CCSER1: variants seen among roughly 807,000 people sequenced by gnomAD.
The protein encoded by CCSER1 is coiled-coil serine rich protein 1, also known as serine-rich coiled-coil domain-containing protein 1.
Under a neutral mutation model 82.0 loss-of-function variants are expected in CCSER1, and 41 were observed. The ratio of observed to expected loss-of-function variants is 0.50; its 90% confidence interval spans 0.39 to 0.65. The LOEUF is 0.65. Ranked by LOEUF, CCSER1 falls within the 30% of genes least tolerant of loss-of-function variation. CCSER1 has a pLI of 0.00. For synonymous variants in CCSER1, 414 were observed against 383.9 expected, an observed-to-expected ratio of 1.08 and a Z score of -0.92; for missense variants, 1,119 against 1,064.2, an observed-to-expected ratio of 1.05 and a Z score of -0.72.
intron 1 of CCSER1, among the ~76,000 whole-genome samples, chr4:90,190,220 A>C (rs77204561): frequency 2.9e-4 from 44 of 152,174 alleles, no homozygotes; most frequent in African/African-American, 1.1e-3. Context: ...AACTAGAGAA[A>C]GGAGTCCTCC....
chr4:91,498,055 G>A (rs868679434), intron 10 of CCSER1, among the ~76,000 whole-genome samples: 1 of 151,934 alleles, frequency 6.6e-6, no homozygotes, highest in African/African-American at 2.4e-5. Flanking sequence ...GCACAGCTTC[G>A]CTGTGCATCC....
intron 3 of CCSER1, among the ~76,000 whole-genome samples, chr4:90,362,444 A>G (rs532085090): frequency 7.2e-5 from 11 of 152,238 alleles, no homozygotes; most frequent in Non-Finnish European, 1.5e-4. Context: ...TGCTAGTCAA[A>G]TGGTTTAGAA....
Position 90,287,211 on chromosome 4 carries a change from A to AC in CCSER1, c.-41-21030dup, listed in dbSNP as rs1730061946. Among the ~76,000 whole-genome samples, 3 of 151,632 alleles carry AC rather than the reference A, an allele frequency of 2.0e-5. No individual in the cohort carries two copies. In the South Asian group the frequency reaches 6.2e-4, roughly 32 times the overall value. On this transcript the variant is annotated intron_variant, in intron 1 of 10. Coordinates refer to ENST00000509176, the MANE Select transcript of CCSER1 (RefSeq NM_001145065.2). ...TTCTTACATTAATAATTAAAAAAAA[A>AC]CCCTACAAAATAGGGTCAGCCAAAA...
intron 1 of CCSER1, among the ~76,000 whole-genome samples, chr4:90,181,356 G>A (rs141117692): frequency 1.8e-4 from 27 of 152,246 alleles, no homozygotes; most frequent in African/African-American, 5.8e-4. Flanking sequence ...ATATACAAAA[G>A]TTAATGCAAA....
chr4:91,442,878 A>C (rs1460374161), intron 10 of CCSER1, among the ~76,000 whole-genome samples: 3 of 152,218 alleles, frequency 2.0e-5, no homozygotes, highest in Non-Finnish European at 2.9e-5. Flanking sequence ...AAAACTGCTC[A>C]CCATCACTGG....
intron 10 of CCSER1, among the ~76,000 whole-genome samples, chr4:91,217,369 T>C (rs920867503): frequency 2.0e-4 from 31 of 152,042 alleles, no homozygotes; most frequent in African/African-American, 6.8e-4. Context: ...CTGAGCTAGA[T>C]ACAAAGGTTC....
intron 6 of CCSER1, among the ~76,000 whole-genome samples, chr4:90,639,299 T>C (rs185553215): frequency 1.1e-3 from 173 of 151,888 alleles, no homozygotes; most frequent in African/African-American, 3.6e-3. Flanking sequence ...AAATTATCAA[T>C]AATTTTTAAT....
chr4:91,189,146 G>A (rs1734805415), intron 10 of CCSER1, among the ~76,000 whole-genome samples: 1 of 151,942 alleles, frequency 6.6e-6, no homozygotes, highest in African/African-American at 2.4e-5. Flanking sequence ...AAACATTTTG[G>A]TAATTTGCAG....
intron 1 of CCSER1, among the ~76,000 whole-genome samples, chr4:90,224,082 T>C (rs1057035361): frequency 6.6e-6 from 1 of 152,170 alleles, no homozygotes; most frequent in Non-Finnish European, 1.5e-5. Context: ...TCTTCATGTG[T>C]TAGTAAGAGA....
chr4:91,336,078 A>G (rs984714842), intron 10 of CCSER1, among the ~76,000 whole-genome samples: 1 of 152,258 alleles, frequency 6.6e-6, no homozygotes, highest in African/African-American at 2.4e-5. Context: ...AGGAGGGTAT[A>G]TGTACATAGT....
intron 9 of CCSER1, among the ~76,000 whole-genome samples, chr4:91,033,603 C>A (rs1741173614): frequency 6.6e-6 from 1 of 152,100 alleles, no homozygotes; most frequent in Non-Finnish European, 1.5e-5. Flanking sequence ...GCCCTGCTCC[C>A]AGTTTTCTAC....
At chr4:91,549,201 G>T (rs2090384) in intron 10 of CCSER1, among the ~76,000 whole-genome samples, 149,311 of 152,234 alleles carry the variant, frequency 0.98, 73,231 homozygotes, top group East Asian at 1. Context: ...GTCTCTAGTA[G>T]TTCTTTTTTA....
At chr4:91,395,263 TCAATGG>T (rs1751902739) in intron 10 of CCSER1, among the ~76,000 whole-genome samples, 1 of 152,050 alleles carries the variant, frequency 6.6e-6, no homozygotes, top group African/African-American at 2.4e-5. Flanking sequence ...CTCTATAGAT[TCAATGG>T]CAAACATGCT....
At chr4:90,238,141 A>T (rs965196466) in intron 1 of CCSER1, among the ~76,000 whole-genome samples, 2 of 152,208 alleles carry the variant, frequency 1.3e-5, no homozygotes, top group Non-Finnish European at 2.9e-5. Flanking sequence ...GTTTGTAAAA[A>T]AATGATTACT....
At chr4:90,821,406 G>T (rs1437708616) in intron 8 of CCSER1, among the ~76,000 whole-genome samples, 1 of 152,106 alleles carries the variant, frequency 6.6e-6, no homozygotes, top group African/African-American at 2.4e-5. Flanking sequence ...GCATGGAAAA[G>T]AACCAACGTT....
At chr4:90,889,317 T>C (rs1485444028) in intron 8 of CCSER1, among the ~76,000 whole-genome samples, 4 of 152,130 alleles carry the variant, frequency 2.6e-5, no homozygotes, top group Admixed American at 2.0e-4. Context: ...ATTTATGTAA[T>C]GGTAACAACA....
chr4:91,116,001 C>A (rs1321763458), intron 10 of CCSER1, among the ~76,000 whole-genome samples: 2 of 151,658 alleles, frequency 1.3e-5, no homozygotes, highest in Admixed American at 6.6e-5. Context: ...GCTATCCCTC[C>A]CCCCTGTCCC....
chr4:91,301,121 G>T (rs1744634387), intron 10 of CCSER1, among the ~76,000 whole-genome samples: 1 of 151,832 alleles, frequency 6.6e-6, no homozygotes, highest in African/African-American at 2.4e-5. Flanking sequence ...GATGGGTATT[G>T]ATAAATATAC....
intron 1 of CCSER1, among the ~76,000 whole-genome samples, chr4:90,271,905 T>C: frequency 7.6e-6 from 1 of 131,022 alleles, no homozygotes; most frequent in South Asian, 2.7e-4. Context: ...GGAGGTTTAA[T>C]TGACTCACAG....
Sources: allele counts gnomAD v4.1 joint callset (sites outside exome capture counted in the v4.1 genomes callset), GRCh38; gene constraint gnomAD v4.1.1; transcripts MANE v1.5; gene names NCBI Gene and HGNC (gene_info 2026-07-23, HGNC 2026-07-21).